JOSD1: variants seen among roughly 807,000 people sequenced by gnomAD.
JOSD1 encodes josephin-1.
In JOSD1, 11 loss-of-function variants were observed where a neutral mutation model predicts 24.3. That is an observed-to-expected ratio of 0.45 (90% CI 0.29 to 0.75). The LOEUF (loss-of-function observed/expected upper bound fraction) is 0.75. JOSD1 is among the 30% of genes least tolerant of loss of function. The probability of loss-of-function intolerance (pLI) is 0.11; values close to 1 mark genes in which losing one functional copy is unlikely to be tolerated. For synonymous variants in JOSD1, 106 were observed against 93.8 expected (o/e 1.13, Z -0.75); for missense variants, 184 against 253.5 (o/e 0.73, Z 1.86).
chr22:38,691,725 A>G lies in JOSD1; in HGVS notation c.186-2301T>C, dbSNP rs531147044. Among the ~76,000 whole-genome samples the G allele has an allele frequency of 4.8e-4, 73 of 152,012 alleles. 2 individuals carry two copies. Among genetic ancestry groups the G allele is most frequent in the African/African-American group, 1.6e-3 (68 of 41,442 alleles). On this transcript the variant is annotated intron_variant, in intron 2 of 4. Coordinates refer to ENST00000683374, the MANE Select transcript of JOSD1 (RefSeq NM_001360236.2). ...GCTCTGTCGCCCAGGCTGGAGTGCA[A>G]TGGAGTGATCTCAGCTTACTACAAC...
chr22:38,695,195 T>C (rs1417805859), intron 2 of JOSD1, among the ~76,000 whole-genome samples: 4 of 152,168 alleles, frequency 2.6e-5, no homozygotes, highest in African/African-American at 9.7e-5. Context: ...ACTACGTGTT[T>C]GCCTAGCCCT....
chr22:38,700,907 A>T lies in JOSD1; in HGVS notation c.-739T>A. ...TCGCCGCTGGCGGTCCCCTCACCGCAGCCGGCCGCCACCTGGAGTGCGCGC... is the reference window on the plus strand; with the variant it reads ...TCGCCGCTGGCGGTCCCCTCACCGCTGCCGGCCGCCACCTGGAGTGCGCGC... On this transcript the variant is annotated 5_prime_UTR_variant, in exon 1 of 5. Transcript: ENST00000683374. The T allele has an allele frequency of 1.0e-6, 1 of 984,312 alleles. No homozygotes were observed. Among genetic ancestry groups the T allele is most frequent in the Non-Finnish European group, 1.2e-6 (1 of 829,564 alleles). 61.0% of individuals were successfully genotyped at this position (984,312 alleles called of 1,614,324 possible).
chr22:38,700,013 G>A lies in JOSD1; in HGVS notation c.-26C>T, dbSNP rs1045720496. 8 of 1,562,022 alleles carry A rather than the reference G, an allele frequency of 5.1e-6. No individual in the cohort carries two copies. Among genetic ancestry groups the A allele is most frequent in the Non-Finnish European group, 6.9e-6 (8 of 1,155,234 alleles). On this transcript the variant is annotated 5_prime_UTR_variant, in exon 2 of 5. Coordinates refer to ENST00000683374, the MANE Select transcript of JOSD1 (RefSeq NM_001360236.2). ...GTTTTTTGTTTTAGGTTCCAGAGAT[G>A]GCTATAAACACCCCACTCTTCCCTC... is the stretch of plus-strand genomic sequence containing the variant.
chr22:38,689,943 T>TGC (rs2092514627), intron 2 of JOSD1, among the ~76,000 whole-genome samples: 1 of 151,744 alleles, frequency 6.6e-6, no homozygotes, highest in African/African-American at 2.4e-5. Context: ...TGTGTGTGTG[T>TGC]GTGTAGTACT....
At chr22:38,699,454 G>A (rs900903095) in intron 2 of JOSD1, among the ~76,000 whole-genome samples, 3 of 152,220 alleles carry the variant, frequency 2.0e-5, no homozygotes, top group African/African-American at 7.2e-5. Context: ...CAACAGCATA[G>A]ATATAAGAAT....
rs1055875178 is a variant in JOSD1 at position 38,699,688 on chromosome 22, T to C, written c.185+115A>G. ...CATGTCTTGTGTCCCTTATACCTGC[T>C]AACGCAATCTAGCTAATACCTACAG... On this transcript the variant is annotated intron_variant, in intron 2 of 4. Coordinates refer to ENST00000683374, the MANE Select transcript of JOSD1 (RefSeq NM_001360236.2). The C allele has an allele frequency of 6.1e-6, 6 of 981,774 alleles. No individual in the cohort carries two copies. In the African/African-American group the frequency reaches 8.1e-5, roughly 13 times the overall value. The allele number at this position is 981,774 out of a possible 1,614,324, so 60.8% of individuals were successfully genotyped here.
chr22:38,690,758 T>C (rs1367572294), intron 2 of JOSD1, among the ~76,000 whole-genome samples: 7 of 152,174 alleles, frequency 4.6e-5, no homozygotes, highest in East Asian at 1.9e-4. Context: ...CGGTGGCTCA[T>C]GCTTGTAATT....
At position 38,699,931 on chromosome 22, in the gene JOSD1, G is replaced by C. The variant is rs1385686370; in HGVS notation, c.57C>G (p.Pro19=). 3.7e-6 allele frequency: 6 copies of C among 1,613,610 alleles called. No individual in the cohort carries two copies. The African/African-American group carries it at 6.7e-5, about 18-fold the overall frequency. The change falls in exon 2 of 5, where the codon CCC becomes CCG. Residue 19 remains proline (P), a synonymous_variant. Coordinates refer to ENST00000683374, the MANE Select transcript of JOSD1 (RefSeq NM_001360236.2). ...DKAKSESLEL[P]QAAPPQIYHE... is the part of the protein sequence containing the mutation. ...GGTAGATTTGTGGGGGTGCTGCCTG[G>C]GGCAGCTCCAATGATTCAGATTTGG...
chr22:38,695,862 C>G (rs1372059568), intron 2 of JOSD1, among the ~76,000 whole-genome samples: 1 of 152,200 alleles, frequency 6.6e-6, no homozygotes, highest in Non-Finnish European at 1.5e-5. Flanking sequence ...TTCAGACCAG[C>G]CTGGCCAACA....
At chr22:38,688,230 G>C (rs925916332) in intron 4 of JOSD1, among the ~76,000 whole-genome samples, 1 of 152,144 alleles carries the variant, frequency 6.6e-6, no homozygotes, top group Non-Finnish European at 1.5e-5. Flanking sequence ...AGCTGGATCT[G>C]TGAATAACAG....
intron 2 of JOSD1, among the ~76,000 whole-genome samples, chr22:38,698,624 G>A (rs887920865): frequency 6.6e-6 from 1 of 152,016 alleles, no homozygotes; most frequent in African/African-American, 2.4e-5. Context: ...ACTTCTAGTC[G>A]GGGTCATCAG....
rs890910482 is a variant in JOSD1, at chr22:38,686,073, G to C, written c.*1829C>G. On this transcript the variant is annotated 3_prime_UTR_variant, in exon 5 of 5. Coordinates refer to ENST00000683374, the MANE Select transcript of JOSD1 (RefSeq NM_001360236.2). Reference sequence around the variant, plus strand: ...CAAGGTTGGCTGTAATGTCTGGCTGGTGGTGGTTGGAATGTCATTGTGCAG... The same window carrying C: ...CAAGGTTGGCTGTAATGTCTGGCTGCTGGTGGTTGGAATGTCATTGTGCAG... 1.3e-5 allele frequency: 2 copies of C among 152,662 alleles called. No homozygotes were observed. Among genetic ancestry groups the C allele is most frequent in the Non-Finnish European group, 2.9e-5 (2 of 68,094 alleles). 9.5% of individuals were successfully genotyped at this position (152,662 alleles called of 1,614,324 possible). A position where few individuals can be genotyped will look rare whatever the true frequency, so the allele number is the denominator to read the frequency against.
At chr22:38,701,286 G>C (rs1219380568), upstream of JOSD1, 1 of 152,318 alleles carries the variant, frequency 6.6e-6, no homozygotes, top group African/African-American at 2.4e-5. Flanking sequence ...TCTCCCGGGC[G>C]TGGGCGTTGT....
chr22:38,697,117 C>T (rs886234455), intron 2 of JOSD1, among the ~76,000 whole-genome samples: 8 of 152,318 alleles, frequency 5.3e-5, no homozygotes, highest in Admixed American at 3.3e-4. Context: ...GAGGCCTGTT[C>T]GACTCGTTTT....
At position 38,686,557 on chromosome 22, in the gene JOSD1, A is replaced by G. The variant is rs1349541480; in HGVS notation, c.*1345T>C. ...AGTTACAAGAGAAAAGTGGCCTACA[A>G]CTATCTGAAGAGGTAGGGGCGGGTT... On this transcript the variant is annotated 3_prime_UTR_variant, in exon 5 of 5. Coordinates refer to ENST00000683374, the MANE Select transcript of JOSD1 (RefSeq NM_001360236.2). 6.6e-6 allele frequency: 1 copy of G among 152,256 alleles called. No individual in the cohort carries two copies. Among genetic ancestry groups the G allele is most frequent in the African/African-American group, 2.4e-5 (1 of 41,460 alleles). The allele number at this position is 152,256 out of a possible 1,614,324, so 9.4% of individuals were successfully genotyped here.
chr22:38,688,753 A>G (rs1190668205), intron 4 of JOSD1, among the ~76,000 whole-genome samples, 182 bp downstream of exon 4: 1 of 152,200 alleles, frequency 6.6e-6, no homozygotes, highest in Non-Finnish European at 1.5e-5. Context: ...AAAGGACTTA[A>G]AAGTACTGAT....
At chr22:38,700,755 C>T in intron 1 of JOSD1, 45 bp downstream of exon 1, 1 of 984,246 alleles carries the variant, frequency 1.0e-6, no homozygotes, top group Non-Finnish European at 1.2e-6. Context: ...GTCAGCCTCG[C>T]GCTCCCGGGC....
intron 4 of JOSD1, among the ~76,000 whole-genome samples, chr22:38,688,331 C>T (rs1231992054): frequency 6.6e-6 from 1 of 152,160 alleles, no homozygotes; most frequent in East Asian, 1.9e-4. Flanking sequence ...GGCATGATCT[C>T]GGCTCACTGC....
At chr22:38,695,122 T>C (rs1270601669) in intron 2 of JOSD1, among the ~76,000 whole-genome samples, 1 of 152,222 alleles carries the variant, frequency 6.6e-6, no homozygotes, top group African/African-American at 2.4e-5. Context: ...CTGATGTTTC[T>C]AAATCAGGCA....
Sources: gnomAD v4.1 joint callset for allele counts (sites outside exome capture counted in the v4.1 genomes callset) on GRCh38, gnomAD v4.1.1 for gene constraint, MANE v1.5 for transcripts, NCBI Gene and HGNC (gene_info 2026-07-23, HGNC 2026-07-21) for gene names.